Variants in FBH1 observed in about 807,000 individuals in gnomAD.
FBH1 encodes the protein F-box DNA helicase 1.
FBH1 carries 43 observed loss-of-function variants against 115.5 expected under a neutral mutation model. That is an observed-to-expected ratio of 0.37 (90% CI 0.29 to 0.48). The LOEUF (loss-of-function observed/expected upper bound fraction) is 0.48. Ranked by LOEUF, FBH1 falls within the 20% of genes least tolerant of loss-of-function variation. FBH1 has a pLI of 0.99. For missense variants in FBH1, 1,001 were observed against 1,337.3 expected (o/e 0.75, Z 3.92); for synonymous variants, 524 against 507.8 (o/e 1.03, Z -0.43).
chr10:5,937,016 C>T, intron 20 of FBH1, 94 bp from the exon 21 acceptor site: 1 of 1,386,058 alleles, frequency 7.2e-7, no homozygotes, highest in Non-Finnish European at 9.8e-7. Flanking sequence ...TGCGTTGTCC[C>T]TGGGCAGCTG....
intron 1 of FBH1, chr10:5,891,037 C>A: frequency 2.2e-6 from 1 of 452,822 alleles, no homozygotes; most frequent in Non-Finnish European, 2.9e-6. Context: ...CCGAAGACAA[C>A]CCTATGAGGC....
intron 18 of FBH1, among the ~76,000 whole-genome samples, chr10:5,926,887 C>T (rs1048750447): frequency 6.6e-6 from 1 of 152,164 alleles, no homozygotes; most frequent in African/African-American, 2.4e-5. Flanking sequence ...ATGAGAGGTG[C>T]GGTTGAACAG....
At chr10:5,890,081 G>C (rs951958249), upstream of FBH1, 1 of 309,660 alleles carries the variant, frequency 3.2e-6, no homozygotes, top group African/African-American at 2.2e-5. Flanking sequence ...CACCGATTGC[G>C]CATTTCGATT....
chr10:5,916,118 C>A, intron 9 of FBH1, 116 bp from the exon 10 acceptor site: 1 of 882,922 alleles, frequency 1.1e-6, no homozygotes, highest in Non-Finnish European at 1.8e-6. Flanking sequence ...CATTAACACT[C>A]GCCTGTGTGT....
rs759251793 is a variant in FBH1 at position 5,921,235 on chromosome 10, T to C, written c.2101-23T>C. 1 of 1,610,610 alleles carries C rather than the reference T, an allele frequency of 6.2e-7. No individual in the cohort carries two copies. The highest frequency in any genetic ancestry group is 8.5e-7 in the Non-Finnish European group (1 of 1,176,934). Reference sequence around the variant, plus strand: ...ACACACCACAGGGCGGGCTGCTGACTCCCTCTGTCTTGTTGTTTTCAGAGT... The same window carrying C: ...ACACACCACAGGGCGGGCTGCTGACCCCCTCTGTCTTGTTGTTTTCAGAGT... On this transcript the variant is annotated intron_variant, in intron 13 of 20. Coordinates refer to ENST00000362091, the MANE Select transcript of FBH1 (RefSeq NM_178150.3). The surrounding 1 kb of genome is among the most constrained non-coding windows in gnomAD (Gnocchi z 6.4).
chr10:5,902,159 C>T (rs1443620743), intron 1 of FBH1, among the ~76,000 whole-genome samples: 2 of 151,886 alleles, frequency 1.3e-5, no homozygotes, highest in East Asian at 1.9e-4. Flanking sequence ...CTGGGGGAGT[C>T]GCTCCTGTCC....
chr10:5,921,438 C>T lies in FBH1; in HGVS notation c.2201-10C>T. On this transcript the variant is annotated splice_polypyrimidine_tract_variant and intron_variant, in intron 14 of 20. Coordinates refer to ENST00000362091, the MANE Select transcript of FBH1 (RefSeq NM_178150.3). This position sits in a 1 kb window ranked among gnomAD's most constrained non-coding sequence, Gnocchi z 6.4. Reference sequence around the variant, plus strand: ...CAATTTGCCATAGAGTTTGTGCTCTCTCCCTAAAGGTGGCATTAGAGGTGA... The same window carrying T: ...CAATTTGCCATAGAGTTTGTGCTCTTTCCCTAAAGGTGGCATTAGAGGTGA... 4 of 1,608,230 alleles carry T rather than the reference C, an allele frequency of 2.5e-6. No individual in the cohort carries two copies. Among genetic ancestry groups the T allele is most frequent in the Non-Finnish European group, 3.4e-6 (4 of 1,178,140 alleles).
chr10:5,911,526 C>T lies in FBH1; in HGVS notation c.1211+398C>T, dbSNP rs1187583664. Among the ~76,000 whole-genome samples, 1 of 152,176 alleles carries T rather than the reference C, an allele frequency of 6.6e-6. No homozygotes were observed. Among genetic ancestry groups the T allele is most frequent in the African/African-American group, 2.4e-5 (1 of 41,422 alleles). On this transcript the variant is annotated intron_variant, in intron 6 of 20. Transcript: ENST00000362091. The surrounding 1 kb of genome is among the most constrained non-coding windows in gnomAD (Gnocchi z 5.4). Reference sequence around the variant, plus strand: ...AGACTCATCCACCTTATCCTCCATGCGGGAGAGGCTATGGCGTGTCGGCTG... The same window carrying T: ...AGACTCATCCACCTTATCCTCCATGTGGGAGAGGCTATGGCGTGTCGGCTG...
chr10:5,910,821 A>G lies in FBH1; in HGVS notation c.1021-117A>G. 1 of 848,160 alleles carries G rather than the reference A, an allele frequency of 1.2e-6. No individual in the cohort carries two copies. The highest frequency in any genetic ancestry group is 1.8e-6 in the Non-Finnish European group (1 of 557,390). 52.5% of individuals were successfully genotyped at this position (848,160 alleles called of 1,614,324 possible). On this transcript the variant is annotated intron_variant, in intron 5 of 20. Coordinates refer to ENST00000362091, the MANE Select transcript of FBH1 (RefSeq NM_178150.3). This position sits in a 1 kb window ranked among gnomAD's most constrained non-coding sequence, Gnocchi z 4.8. ...CTTGGAAAGTTTGGATTCAGTCCAG[A>G]CAGTCTGTAGCCAGCAGCTGGACCC...
chr10:5,921,482 C>T lies in FBH1; in HGVS notation c.2235C>T (p.Ala745=), dbSNP rs777614215. The T allele has an allele frequency of 3.1e-6, 5 of 1,602,524 alleles. No homozygotes were observed. The highest frequency in any genetic ancestry group is 4.2e-6 in the Non-Finnish European group (5 of 1,177,084). The change falls in exon 15 of 21, where the codon GCC becomes GCT. Residue 745 remains alanine (A), a synonymous_variant. Coordinates refer to ENST00000362091, the MANE Select transcript of FBH1 (RefSeq NM_178150.3). This position sits in a 1 kb window ranked among gnomAD's most constrained non-coding sequence, Gnocchi z 6.4. ...GAGGTGACGCAAAGGGGCAAGTGGCCTTGTTGTCCCGGACCAACGCCAACG... is the reference window on the plus strand; with the variant it reads ...GAGGTGACGCAAAGGGGCAAGTGGCTTTGTTGTCCCGGACCAACGCCAACG... ...GIRGDAKGQV[A]LLSRTNANVF... is the part of the protein sequence containing the mutation.
chr10:5,914,113 C>T lies in FBH1; in HGVS notation c.1305-65C>T. The T allele has an allele frequency of 1.3e-6, 2 of 1,486,384 alleles. No individual in the cohort carries two copies. Among genetic ancestry groups the T allele is most frequent in the South Asian group, 1.2e-5 (1 of 85,334 alleles). 92.1% of individuals were successfully genotyped at this position (1,486,384 alleles called of 1,614,324 possible). The stretch of plus-strand genomic sequence containing the variant: ...CCAGTTTGTATGTTTGGTTTTTGGA[C>T]TGTCTATCCCCTGGACTTTTCACGT... On this transcript the variant is annotated intron_variant, in intron 7 of 20. Coordinates refer to ENST00000362091, the MANE Select transcript of FBH1 (RefSeq NM_178150.3). The surrounding 1 kb of genome is among the most constrained non-coding windows in gnomAD (Gnocchi z 5.2).
At position 5,925,310 on chromosome 10, in the gene FBH1, C is replaced by T. The variant is rs1041795958; in HGVS notation, c.2597-57C>T. ...AAGTGGGAAACATGTATGTTTTTGT[C>T]ATCTTGTTTCTTTCCCTTTGAAGCA... On this transcript the variant is annotated intron_variant, in intron 17 of 20. Coordinates refer to ENST00000362091, the MANE Select transcript of FBH1 (RefSeq NM_178150.3). The surrounding 1 kb of genome is among the most constrained non-coding windows in gnomAD (Gnocchi z 4.6). 2 of 1,587,656 alleles carry T rather than the reference C, an allele frequency of 1.3e-6. No homozygotes were observed. Among genetic ancestry groups the T allele is most frequent in the Admixed American group, 1.8e-5 (1 of 56,770 alleles).
chr10:5,898,832 G>C (rs1012513714), intron 1 of FBH1, among the ~76,000 whole-genome samples: 5 of 152,220 alleles, frequency 3.3e-5, no homozygotes, highest in African/African-American at 1.2e-4. Flanking sequence ...TCTACATACA[G>C]AGTTACAGCA....
Position 5,917,746 on chromosome 10 carries a change from A to G in FBH1, c.1963+70A>G. On this transcript the variant is annotated intron_variant, in intron 12 of 20. Coordinates refer to ENST00000362091, the MANE Select transcript of FBH1 (RefSeq NM_178150.3). The surrounding 1 kb of genome is among the most constrained non-coding windows in gnomAD (Gnocchi z 5.6). ...CAGCGCCATGATTATGTAAGAGGAC[A>G]CCTGTGTGAACTAAGTTGATTATTA... 1.8e-6 allele frequency: 2 copies of G among 1,105,068 alleles called. No homozygotes were observed. Among genetic ancestry groups the G allele is most frequent in the Non-Finnish European group, 2.7e-6 (2 of 738,096 alleles). 68.5% of individuals were successfully genotyped at this position (1,105,068 alleles called of 1,614,324 possible). A position where few individuals can be genotyped will look rare whatever the true frequency, so the allele number is the denominator to read the frequency against.
At chr10:5,899,649 TC>T (rs1187083835) in intron 1 of FBH1, among the ~76,000 whole-genome samples, 1 of 152,184 alleles carries the variant, frequency 6.6e-6, no homozygotes, top group East Asian at 1.9e-4. Flanking sequence ...CTGCAGCTGC[TC>T]CTGCTGTTGA....
At chr10:5,920,545 T>C (rs928717466) in intron 13 of FBH1, among the ~76,000 whole-genome samples, 2 of 152,218 alleles carry the variant, frequency 1.3e-5, no homozygotes, top group Non-Finnish European at 1.5e-5. Flanking sequence ...TATTCAATCA[T>C]TTATCTATCT....
rs533267351 is a variant in FBH1 at position 5,900,130 on chromosome 10, TAC to T, written c.2-2887_2-2886del. Among the ~76,000 whole-genome samples the T allele has an allele frequency of 1.3e-4, 20 of 152,372 alleles. No individual in the cohort carries two copies. Among genetic ancestry groups the T allele is most frequent in the African/African-American group, 4.8e-4 (20 of 41,594 alleles). On this transcript the variant is annotated intron_variant, in intron 1 of 20. Coordinates refer to ENST00000362091, the MANE Select transcript of FBH1 (RefSeq NM_178150.3). This position sits in a 1 kb window ranked among gnomAD's most constrained non-coding sequence, Gnocchi z 4.2. ...GAATTGGCTGTATTTGGGCTGCTAA[TAC>T]ACTTCCTGCTTTGCCATTAGGTGGC... is the stretch of plus-strand genomic sequence containing the variant.
At chr10:5,890,120 C>A, upstream of FBH1, 1 of 323,220 alleles carries the variant, frequency 3.1e-6, no homozygotes. Flanking sequence ...TCAGCACGCC[C>A]CCTCCGGTCT....
intron 1 of FBH1, chr10:5,891,152 G>A (rs1313339426): frequency 8.1e-6 from 8 of 985,760 alleles, no homozygotes. Context: ...ATGGTAGCAT[G>A]TGTTGAGTGT....
Sources: allele counts gnomAD v4.1 joint callset (sites outside exome capture counted in the v4.1 genomes callset), GRCh38; gene constraint gnomAD v4.1.1; non-coding constraint Gnocchi (gnomAD v3.1); transcripts MANE v1.5; gene names NCBI Gene and HGNC (gene_info 2026-07-23, HGNC 2026-07-21).